IGF1R: variants seen among roughly 807,000 people sequenced by gnomAD.
IGF1R encodes the protein insulin like growth factor 1 receptor.
IGF1R carries 44 observed loss-of-function variants against 144.6 expected under a neutral mutation model. The observed-to-expected ratio is 0.30, with a 90% CI of 0.24 to 0.39. The LOEUF is 0.39. Among genes scored for constraint, IGF1R ranks in the 10% least tolerant of loss-of-function variants. The probability of loss-of-function intolerance (pLI) is 1.00; values close to 1 mark genes in which losing one functional copy is unlikely to be tolerated. For synonymous variants in IGF1R, 795 were observed against 722.8 expected (o/e 1.10, Z -1.60); for missense variants, 1,355 against 1,833.7 (o/e 0.74, Z 4.77).
At chr15:98,848,373 C>A (rs1003609905) in intron 2 of IGF1R, among the ~76,000 whole-genome samples, 1 of 152,216 alleles carries the variant, frequency 6.6e-6, no homozygotes, top group Non-Finnish European at 1.5e-5. Context: ...GTGCCAGTCT[C>A]TCTATGGGTT....
At chr15:98,807,999 A>AT (rs551266622) in intron 2 of IGF1R, among the ~76,000 whole-genome samples, 1 of 152,268 alleles carries the variant, frequency 6.6e-6, no homozygotes, top group Admixed American at 6.5e-5. Context: ...AATGAACATG[A>AT]TTTTTTGGTG....
chr15:98,653,067 C>G lies in IGF1R; in HGVS notation c.94+3392C>G, dbSNP rs895630939. Among the ~76,000 whole-genome samples, 4 of 151,806 alleles carry G rather than the reference C, an allele frequency of 2.6e-5. No homozygotes were observed. The South Asian group carries it at 8.3e-4, about 32-fold the overall frequency. On this transcript the variant is annotated intron_variant, in intron 1 of 20. Transcript: ENST00000650285. ...CTTTTCATTTATGAGTTTTTCAGAT[C>G]CGTGAGTTGCAGCAATACAACAAAC...
At chr15:98,926,387 A>T (rs2015719542) in intron 13 of IGF1R, among the ~76,000 whole-genome samples, 1 of 150,188 alleles carries the variant, frequency 6.7e-6, no homozygotes, top group Non-Finnish European at 1.5e-5. Context: ...AGTTCAATAG[A>T]TATATTGTAC....
intron 1 of IGF1R, among the ~76,000 whole-genome samples, chr15:98,674,712 C>T (rs1227677655): frequency 1.3e-5 from 2 of 152,196 alleles, no homozygotes; most frequent in South Asian, 4.1e-4. Context: ...AATAAGTTTT[C>T]TGTCTCTCTA....
intron 10 of IGF1R, among the ~76,000 whole-genome samples, chr15:98,918,801 C>G (rs1292937131): frequency 1.3e-5 from 2 of 152,258 alleles, no homozygotes; most frequent in East Asian, 3.9e-4. Flanking sequence ...ATCGCTTGAA[C>G]CCGGGAGGTG....
chr15:98,836,407 C>A (rs1174820123), intron 2 of IGF1R, among the ~76,000 whole-genome samples: 1 of 151,500 alleles, frequency 6.6e-6, no homozygotes, highest in African/African-American at 2.4e-5. Flanking sequence ...GTAGTCTCAG[C>A]TACTTGGGAG....
intron 2 of IGF1R, among the ~76,000 whole-genome samples, chr15:98,803,498 T>TTTTATTTTATTTATTTATTTA (rs2056405399): frequency 1.4e-5 from 2 of 144,610 alleles, no homozygotes; most frequent in Non-Finnish European, 3.0e-5. Context: ...GAATATTACA[T>TTTTATTTTATTTATTTATTTA]TTTATTTATT....
chr15:98,653,180 A>C (rs555392590), intron 1 of IGF1R, among the ~76,000 whole-genome samples: 23 of 152,258 alleles, frequency 1.5e-4, no homozygotes, highest in African/African-American at 5.5e-4. Flanking sequence ...ATGTAGCTTC[A>C]GTTAGGGATT....
chr15:98,932,094 A>G (rs1320498715), intron 15 of IGF1R, among the ~76,000 whole-genome samples: 3 of 152,192 alleles, frequency 2.0e-5, no homozygotes, highest in Non-Finnish European at 4.4e-5. Context: ...AAGCATCAAT[A>G]CAACAAATTC....
intron 2 of IGF1R, among the ~76,000 whole-genome samples, chr15:98,730,358 T>TTC (rs1335446882): frequency 1.3e-5 from 2 of 152,358 alleles, no homozygotes; most frequent in Non-Finnish European, 2.9e-5. Flanking sequence ...CACTCACGCT[T>TTC]TCTATTCATG....
At chr15:98,713,635 C>T (rs1437788067) in intron 2 of IGF1R, among the ~76,000 whole-genome samples, 3 of 152,158 alleles carry the variant, frequency 2.0e-5, no homozygotes, top group African/African-American at 4.8e-5. Context: ...CAGTTCTGCC[C>T]TGGGAGGGAC....
intron 13 of IGF1R, among the ~76,000 whole-genome samples, chr15:98,925,529 T>G (rs575494658): frequency 6.6e-6 from 1 of 152,376 alleles, no homozygotes; most frequent in South Asian, 2.1e-4. Context: ...CAGCCTCACT[T>G]AGTGGTAACA....
chr15:98,652,271 A>G (rs1437348415), intron 1 of IGF1R, among the ~76,000 whole-genome samples: 1 of 152,256 alleles, frequency 6.6e-6, no homozygotes, highest in African/African-American at 2.4e-5. Flanking sequence ...TTGTTTTTAA[A>G]AAGTCAGCAT....
At chr15:98,814,207 A>G (rs562864446) in intron 2 of IGF1R, among the ~76,000 whole-genome samples, 34 of 152,300 alleles carry the variant, frequency 2.2e-4, no homozygotes, top group African/African-American at 7.5e-4. Flanking sequence ...CCAAGATTCA[A>G]CTTTAAAATA....
intron 2 of IGF1R, among the ~76,000 whole-genome samples, chr15:98,849,339 A>G (rs1299037647): frequency 2.0e-5 from 3 of 152,252 alleles, no homozygotes; most frequent in Non-Finnish European, 1.5e-5. Context: ...TTATGGCCCA[A>G]TCATGCCATG....
intron 2 of IGF1R, among the ~76,000 whole-genome samples, chr15:98,844,726 A>G (rs1253217271): frequency 6.6e-6 from 1 of 152,118 alleles, no homozygotes; most frequent in African/African-American, 2.4e-5. Flanking sequence ...ATTACCATAA[A>G]TGCTCCCTTT....
intron 9 of IGF1R, 29 bp from the exon 10 acceptor site, chr15:98,916,643 T>C: frequency 6.3e-7 from 1 of 1,597,490 alleles, no homozygotes; most frequent in South Asian, 1.1e-5. Flanking sequence ...TCATTCCCAC[T>C]CTTGTTTTGG....
intron 2 of IGF1R, among the ~76,000 whole-genome samples, chr15:98,741,235 CTTTTTTTTTTTTTT>C (rs540942858): frequency 4.3e-5 from 3 of 70,330 alleles, no homozygotes; most frequent in African/African-American, 2.1e-4. Flanking sequence ...TTTTCCTGAG[CTTTTTTTTTTTTTT>C]TTTTTTTTTT....
At chr15:98,657,070 C>G (rs1473020947) in intron 1 of IGF1R, among the ~76,000 whole-genome samples, 1 of 152,148 alleles carries the variant, frequency 6.6e-6, no homozygotes, top group Non-Finnish European at 1.5e-5. Flanking sequence ...TCAGCTTGTC[C>G]TCTGCTGTAA....
Sources: gnomAD v4.1 joint callset for allele counts (sites outside exome capture counted in the v4.1 genomes callset) on GRCh38, gnomAD v4.1.1 for gene constraint, MANE v1.5 for transcripts, NCBI Gene and HGNC (gene_info 2026-07-23, HGNC 2026-07-21) for gene names.